The following TGFBR3 variants were observed in gnomAD, a reference collection of about 807,000 sequenced individuals.
TGFBR3 encodes the protein transforming growth factor beta receptor 3, also known as transforming growth factor beta receptor type 3.
A neutral mutation model predicts 87.9 loss-of-function variants in TGFBR3; 46 were observed. The ratio of observed to expected loss-of-function variants is 0.52; its 90% CI spans 0.41 to 0.67. The LOEUF (loss-of-function observed/expected upper bound fraction) is 0.67, where lower values mean the gene tolerates loss of function less well. Among genes scored for constraint, TGFBR3 ranks in the 30% least tolerant of loss-of-function variants. TGFBR3 has a pLI of 0.00. For synonymous variants in TGFBR3, 381 were observed against 391.6 expected (o/e 0.97, Z 0.32); for missense variants, 866 against 1,041.9 (o/e 0.83, Z 2.32).
At chr1:91,894,352 T>C (rs1679510281) in intron 2 of TGFBR3, among the ~76,000 whole-genome samples, 1 of 152,220 alleles carries the variant, frequency 6.6e-6, no homozygotes, top group South Asian at 2.1e-4. Flanking sequence ...ACAAACATAC[T>C]AGAATATTTC....
At chr1:91,738,605 C>T (rs892273398) in intron 4 of TGFBR3, among the ~76,000 whole-genome samples, 2 of 152,240 alleles carry the variant, frequency 1.3e-5, no homozygotes, top group Non-Finnish European at 2.9e-5. Context: ...CCTGAGGTCT[C>T]CCCAGAGGCA....
At chr1:91,898,776 A>G (rs1438476986) in intron 2 of TGFBR3, among the ~76,000 whole-genome samples, 2 of 152,098 alleles carry the variant, frequency 1.3e-5, no homozygotes, top group Non-Finnish European at 2.9e-5. Context: ...TATCTTTCCT[A>G]TAAGAAATAA....
chr1:91,891,980 C>T (rs1042203783), intron 2 of TGFBR3, among the ~76,000 whole-genome samples: 1 of 152,068 alleles, frequency 6.6e-6, no homozygotes, highest in Non-Finnish European at 1.5e-5. Context: ...ATCAGATGAA[C>T]CTGTATGCAG....
chr1:91,833,560 G>A (rs1676943036), intron 2 of TGFBR3, among the ~76,000 whole-genome samples: 1 of 151,592 alleles, frequency 6.6e-6, no homozygotes. Flanking sequence ...TTGAGATCAG[G>A]GGTTCAAGAC....
intron 3 of TGFBR3, among the ~76,000 whole-genome samples, chr1:91,780,930 C>G (rs947463542): frequency 3.0e-5 from 4 of 131,200 alleles, no homozygotes; most frequent in South Asian, 2.5e-4. Context: ...CACACACACA[C>G]ACAGAGATCT....
At chr1:91,889,712 T>C (rs1475232783), upstream of TGFBR3, among the ~76,000 whole-genome samples, 1 of 152,134 alleles carries the variant, frequency 6.6e-6, no homozygotes, top group East Asian at 1.9e-4. Flanking sequence ...TTCCCTCTTG[T>C]TGCCCAGACT....
chr1:91,808,271 AT>A (rs1051611692), intron 2 of TGFBR3, among the ~76,000 whole-genome samples: 4 of 152,150 alleles, frequency 2.6e-5, no homozygotes, highest in African/African-American at 4.8e-5. Flanking sequence ...CTTTAAAAAA[AT>A]TTTTTTAATT....
intron 2 of TGFBR3, among the ~76,000 whole-genome samples, chr1:91,838,579 C>G (rs887624699): frequency 6.6e-6 from 1 of 151,688 alleles, no homozygotes; most frequent in African/African-American, 2.4e-5. Flanking sequence ...CTGCCTCAGC[C>G]TCCCAAGTAG....
intron 2 of TGFBR3, among the ~76,000 whole-genome samples, chr1:91,833,308 A>C (rs1391260698): frequency 1.7e-4 from 23 of 135,488 alleles, no homozygotes; most frequent in East Asian, 8.1e-4. Flanking sequence ...AAAAAAAAAA[A>C]AAAAAAAACA....
At chr1:91,727,413 T>C (rs767993061) in intron 7 of TGFBR3, among the ~76,000 whole-genome samples, 15 of 152,078 alleles carry the variant, frequency 9.9e-5, no homozygotes, top group Non-Finnish European at 1.8e-4. Flanking sequence ...TTCAGAGAGG[T>C]TAGGGGACTT....
intron 2 of TGFBR3, among the ~76,000 whole-genome samples, chr1:91,850,352 T>G (rs904422711): frequency 2.0e-5 from 3 of 152,238 alleles, no homozygotes; most frequent in Non-Finnish European, 4.4e-5. Context: ...TAGAGCATTT[T>G]GCTTCACCAT....
At chr1:91,738,356 A>T (rs1673035098) in intron 4 of TGFBR3, among the ~76,000 whole-genome samples, 1 of 152,106 alleles carries the variant, frequency 6.6e-6, no homozygotes, top group African/African-American at 2.4e-5. Context: ...TTGAATGGTA[A>T]CCCCCAACGT....
upstream of TGFBR3, chr1:91,886,175 C>A (rs1424119235): frequency 2.2e-6 from 1 of 453,790 alleles, no homozygotes; most frequent in Non-Finnish European, 4.4e-6. Context: ...CGACCCGGCG[C>A]ACTCGCCCTC....
At chr1:91,804,707 G>A (rs531971110) in intron 2 of TGFBR3, among the ~76,000 whole-genome samples, 15 of 152,250 alleles carry the variant, frequency 9.9e-5, no homozygotes, top group South Asian at 2.1e-4. Context: ...AACATGCTCC[G>A]AAACCCCATC....
At chr1:91,738,238 A>G (rs1341700729) in intron 4 of TGFBR3, among the ~76,000 whole-genome samples, 1 of 152,196 alleles carries the variant, frequency 6.6e-6, no homozygotes, top group African/African-American at 2.4e-5. Flanking sequence ...ATATATGTGA[A>G]CACTGCATGA....
intron 5 of TGFBR3, among the ~76,000 whole-genome samples, chr1:91,732,252 T>A (rs970938628): frequency 6.6e-6 from 1 of 152,118 alleles, no homozygotes; most frequent in Admixed American, 6.5e-5. Flanking sequence ...CAAGACCAGC[T>A]GGGATAAGAG....
intron 3 of TGFBR3, among the ~76,000 whole-genome samples, chr1:91,764,221 T>G (rs1674078819): frequency 6.7e-6 from 1 of 148,338 alleles, no homozygotes; most frequent in African/African-American, 2.5e-5. Flanking sequence ...GCACTGTCAG[T>G]CTATTTCAAA....
intron 14 of TGFBR3, among the ~76,000 whole-genome samples, chr1:91,698,866 C>T (rs1471239431): frequency 6.6e-6 from 1 of 152,116 alleles, no homozygotes; most frequent in African/African-American, 2.4e-5. Flanking sequence ...GTTCTCCTAG[C>T]CTTAGTGCTA....
Position 91,719,480 on chromosome 1 carries a change from C to T in TGFBR3, c.1414-16G>A. ...AGCCACTGGCCTAAAACAACAACCA[C>T]CAAAGACATGGTTGGAGGCCCACAG... On this transcript the variant is annotated splice_polypyrimidine_tract_variant and intron_variant, in intron 9 of 16. Coordinates refer to ENST00000212355, the MANE Select transcript of TGFBR3 (RefSeq NM_003243.5). 6.2e-7 allele frequency: 1 copy of T among 1,613,914 alleles called. No individual in the cohort carries two copies. The highest frequency in any genetic ancestry group is 8.5e-7 in the Non-Finnish European group (1 of 1,179,968).
Sources: gnomAD v4.1 joint callset for allele counts (sites outside exome capture counted in the v4.1 genomes callset) on GRCh38, gnomAD v4.1.1 for gene constraint, MANE v1.5 for transcripts, NCBI Gene and HGNC (gene_info 2026-07-23, HGNC 2026-07-21) for gene names.